ODAD2: variants seen among roughly 807,000 people sequenced by gnomAD.
ODAD2 encodes outer dynein arm docking complex subunit 2.
Under a neutral mutation model 106.8 loss-of-function variants are expected in ODAD2, and 89 were observed. The observed-to-expected ratio is 0.83, with a 90% CI of 0.70 to 0.99. The LOEUF (loss-of-function observed/expected upper bound fraction) is 0.99, where lower values mean the gene tolerates loss of function less well. Ranked by LOEUF, ODAD2 falls within the 50% of genes least tolerant of loss-of-function variation. The probability of loss-of-function intolerance (pLI) is 0.00; values close to 1 mark genes in which losing one functional copy is unlikely to be tolerated. For synonymous variants in ODAD2, 404 were observed against 436.2 expected, an observed-to-expected ratio of 0.93 and a Z score of 0.92; for missense variants, 1,168 against 1,238.5, an observed-to-expected ratio of 0.94 and a Z score of 0.85.
chr10:27,999,421 G>C (rs572804057), upstream of ODAD2, among the ~76,000 whole-genome samples: 3 of 152,044 alleles, frequency 2.0e-5, no homozygotes, highest in South Asian at 6.3e-4. Context: ...CTTCTCCTAG[G>C]ATATTTGAGG....
intron 16 of ODAD2, among the ~76,000 whole-genome samples, chr10:27,909,752 A>T (rs1056275928): frequency 5.5e-5 from 7 of 127,824 alleles, no homozygotes; most frequent in African/African-American, 1.7e-4. Flanking sequence ...CAGGAGGTGG[A>T]GGTTGCAGTG....
intron 10 of ODAD2, among the ~76,000 whole-genome samples, chr10:27,948,779 A>ATTTTTTT (rs11451204): frequency 3.2e-4 from 13 of 40,318 alleles, no homozygotes; most frequent in East Asian, 1.7e-3. Flanking sequence ...TGGCCTTTGG[A>ATTTTTTT]TTTTTTTTTT....
At position 27,882,233 on chromosome 10, in the gene ODAD2, G is replaced by GAAAGAAATAAAT. The variant is rs1451039386; in HGVS notation, c.2611-19612_2611-19611insATTTATTTCTTT. 1.3e-4 allele frequency among the ~76,000 whole-genome samples: 19 copies of GAAAGAAATAAAT among 145,354 alleles called. No individual in the cohort carries two copies. In the South Asian group the frequency reaches 1.5e-3, roughly 12 times the overall value. ...AGAAAGAAAGAAAGAAAGAAAGAAA[G>GAAAGAAATAAAT]AAATATGAACTCTCTGATCTCATTC... is the stretch of plus-strand genomic sequence containing the variant. On this transcript the variant is annotated intron_variant, in intron 17 of 19. Transcript: ENST00000305242.
intron 10 of ODAD2, among the ~76,000 whole-genome samples, chr10:27,947,136 C>G (rs1352782261): frequency 6.6e-6 from 1 of 152,132 alleles, no homozygotes; most frequent in Non-Finnish European, 1.5e-5. Context: ...TTACCGCCAC[C>G]AATACCACCA....
intron 16 of ODAD2, among the ~76,000 whole-genome samples, chr10:27,934,015 G>A (rs926966768): frequency 1.3e-5 from 2 of 152,128 alleles, no homozygotes; most frequent in Admixed American, 1.3e-4. Context: ...AATCATGGGG[G>A]CAGGTCTTTC....
intron 14 of ODAD2, among the ~76,000 whole-genome samples, chr10:27,937,339 C>CTTTTTTTTTTTT (rs57375404): frequency 7.5e-6 from 1 of 132,772 alleles, no homozygotes; most frequent in Non-Finnish European, 1.6e-5. Flanking sequence ...TTTCTTTTTT[C>CTTTTTTTTTTTT]TTTTTTTTTT....
At chr10:27,953,710 A>G (rs976767320) in intron 10 of ODAD2, among the ~76,000 whole-genome samples, 5 of 152,216 alleles carry the variant, frequency 3.3e-5, no homozygotes, top group Non-Finnish European at 5.9e-5. Context: ...TCATTTATGT[A>G]TATAAATTAT....
At chr10:27,827,363 C>T (rs1379774163) in intron 19 of ODAD2, among the ~76,000 whole-genome samples, 3 of 114,220 alleles carry the variant, frequency 2.6e-5, no homozygotes, top group South Asian at 3.6e-4. Flanking sequence ...CAGACACACA[C>T]ATACACACAC....
intron 17 of ODAD2, among the ~76,000 whole-genome samples, chr10:27,864,956 T>C (rs1564442697): frequency 6.6e-6 from 1 of 152,170 alleles, no homozygotes; most frequent in Non-Finnish European, 1.5e-5. Flanking sequence ...CCTTATAAAA[T>C]AGATTGTATC....
chr10:27,848,186 AG>A (rs1413545118), intron 19 of ODAD2, among the ~76,000 whole-genome samples: 1 of 152,238 alleles, frequency 6.6e-6, no homozygotes, highest in Admixed American at 6.5e-5. Context: ...ACAAGGCTAC[AG>A]TAACCAAAAC....
At chr10:27,969,910 A>C (rs535726940) in intron 8 of ODAD2, among the ~76,000 whole-genome samples, 43 of 152,240 alleles carry the variant, frequency 2.8e-4, no homozygotes, top group African/African-American at 9.6e-4. Context: ...GTTTGAGACT[A>C]GCCTGGCCAA....
At chr10:27,969,702 C>A (rs1040089479) in intron 8 of ODAD2, among the ~76,000 whole-genome samples, 1 of 152,196 alleles carries the variant, frequency 6.6e-6, no homozygotes, top group African/African-American at 2.4e-5. Context: ...TTCCCAGAAT[C>A]CCTGCAGGAG....
At chr10:27,938,328 A>G (rs1846139801) in intron 14 of ODAD2, among the ~76,000 whole-genome samples, 2 of 152,278 alleles carry the variant, frequency 1.3e-5, no homozygotes, top group East Asian at 1.9e-4. Flanking sequence ...CCCTGCTCCA[A>G]TAGGACTGCT....
intron 19 of ODAD2, among the ~76,000 whole-genome samples, chr10:27,829,931 TA>T (rs35072227): frequency 0.64 from 95,918 of 149,504 alleles, 31,006 homozygotes; most frequent in Middle Eastern, 0.73. Context: ...AGGCAGTAAT[TA>T]AAAAAAAAAA....
In ODAD2 at chr10:27,944,353, G is replaced by C. The variant is rs566969143; in HGVS notation, c.1612C>G (p.Pro538Ala). The C allele has an allele frequency of 1.2e-5, 19 of 1,613,714 alleles. 1 individual carries two copies. Among genetic ancestry groups the C allele is most frequent in the South Asian group, 1.1e-4 (10 of 91,068 alleles). Residue 538 changes from proline (P) to alanine (A), a missense_variant, in exon 12 of 20, where the codon CCA becomes GCA. Pro to Ala is a conservative substitution (Grantham distance 27, BLOSUM62 -1). Coordinates refer to ENST00000305242, the MANE Select transcript of ODAD2 (RefSeq NM_018076.5). ...RQNIVDLGGL[P>A]IMVNILDSPH... ...GAATCAAGTATATTCACCATAATTG[G>C]TAAGCCCCCAAGGTCAACAATATTC...
chr10:27,863,712 G>A (rs1840238589), intron 17 of ODAD2, among the ~76,000 whole-genome samples: 1 of 152,168 alleles, frequency 6.6e-6, no homozygotes, highest in Admixed American at 6.5e-5. Context: ...AAAGGTTCAA[G>A]GGCTGACTCC....
At chr10:27,891,590 A>G (rs1842567879) in intron 17 of ODAD2, among the ~76,000 whole-genome samples, 1 of 152,120 alleles carries the variant, frequency 6.6e-6, no homozygotes, top group Admixed American at 6.5e-5. Flanking sequence ...TCTAATTCAT[A>G]AGGAAATGGT....
At chr10:27,852,019 G>A (rs749682576) in intron 19 of ODAD2, among the ~76,000 whole-genome samples, 1 of 152,088 alleles carries the variant, frequency 6.6e-6, no homozygotes, top group Non-Finnish European at 1.5e-5. Context: ...ATAAAATGGA[G>A]CACCATGTTT....
At chr10:27,884,485 T>C (rs1564463773) in intron 17 of ODAD2, among the ~76,000 whole-genome samples, 1 of 152,168 alleles carries the variant, frequency 6.6e-6, no homozygotes, top group South Asian at 2.1e-4. Context: ...TTAAGTCTTA[T>C]TTCCTTCCTT....
Sources: allele counts gnomAD v4.1 joint callset (sites outside exome capture counted in the v4.1 genomes callset), GRCh38; gene constraint gnomAD v4.1.1; transcripts MANE v1.5; gene names NCBI Gene and HGNC (gene_info 2026-07-23, HGNC 2026-07-21).